Variants in RFX3 observed in about 807,000 individuals in gnomAD.
RFX3 encodes regulatory factor X3.
In RFX3, 14 loss-of-function variants were observed where a neutral mutation model predicts 98.6. That is an observed-to-expected ratio of 0.14 (90% confidence interval 0.09 to 0.22). The LOEUF is 0.22. RFX3 is among the 10% of genes least tolerant of loss of function. RFX3 has a pLI of 1.00. For missense variants in RFX3, 639 were observed against 926.9 expected (o/e 0.69, Z 4.03); for synonymous variants, 383 against 328.4 (o/e 1.17, Z -1.80).
chr9:3,369,633 A>G (rs1837581204), intron 2 of RFX3, among the ~76,000 whole-genome samples: 1 of 152,240 alleles, frequency 6.6e-6, no homozygotes, highest in South Asian at 2.1e-4. Flanking sequence ...GCTTCTGAAG[A>G]TGTAAGAAAG....
intron 2 of RFX3, among the ~76,000 whole-genome samples, chr9:3,383,183 T>G (rs1839371603): frequency 6.6e-6 from 1 of 152,122 alleles, no homozygotes; most frequent in Non-Finnish European, 1.5e-5. Context: ...GGTTCTATAT[T>G]TATTGATGTT....
chr9:3,470,617 C>T (rs940413690), intron 1 of RFX3, among the ~76,000 whole-genome samples: 6 of 152,242 alleles, frequency 3.9e-5, no homozygotes, highest in South Asian at 2.1e-4. Context: ...AGTGAGCCAC[C>T]GCACCGGGCC....
chr9:3,385,177 CA>C (rs1564023018), intron 2 of RFX3, among the ~76,000 whole-genome samples: 1 of 152,092 alleles, frequency 6.6e-6, no homozygotes, highest in African/African-American at 2.4e-5. Context: ...GCAAACTGTT[CA>C]AATTATATGT....
intron 2 of RFX3, among the ~76,000 whole-genome samples, chr9:3,370,258 T>G (rs981802024): frequency 6.6e-6 from 1 of 151,148 alleles, no homozygotes; most frequent in Non-Finnish European, 1.5e-5. Flanking sequence ...ATATATAGGG[T>G]TCAATTCAAT....
intron 1 of RFX3, among the ~76,000 whole-genome samples, chr9:3,459,792 T>C (rs963793113): frequency 6.6e-6 from 1 of 152,050 alleles, no homozygotes; most frequent in Non-Finnish European, 1.5e-5. Context: ...TCCATTTTAC[T>C]CAGAATAAGT....
At chr9:3,481,907 T>G (rs964434089) in intron 1 of RFX3, among the ~76,000 whole-genome samples, 3 of 151,986 alleles carry the variant, frequency 2.0e-5, no homozygotes, top group African/African-American at 7.2e-5. Flanking sequence ...AGTGTCAGAG[T>G]AAACAAAGAA....
At chr9:3,299,663 G>T (rs544033499) in intron 5 of RFX3, among the ~76,000 whole-genome samples, 41 of 151,564 alleles carry the variant, frequency 2.7e-4, no homozygotes, top group Non-Finnish European at 5.5e-4. Flanking sequence ...AAGCCATGAA[G>T]TAATAAATAT....
intron 5 of RFX3, among the ~76,000 whole-genome samples, chr9:3,301,064 CACCTTA>C (rs1828595786): frequency 6.6e-6 from 1 of 151,760 alleles, no homozygotes; most frequent in African/African-American, 2.4e-5. Context: ...GTTTACTGCC[CACCTTA>C]CATAGTCTTA....
chr9:3,491,961 A>G (rs1013004285), intron 1 of RFX3, among the ~76,000 whole-genome samples: 15 of 152,196 alleles, frequency 9.9e-5, no homozygotes, highest in African/African-American at 3.6e-4. Context: ...CCTACAATCC[A>G]AAGTGCTACA....
chr9:3,492,922 C>G (rs1338861699), intron 1 of RFX3, among the ~76,000 whole-genome samples: 1 of 152,114 alleles, frequency 6.6e-6, no homozygotes, highest in Non-Finnish European at 1.5e-5. Flanking sequence ...CATTTGTATT[C>G]TTGCTCTTAT....
Position 3,408,593 on chromosome 9 carries a change from G to GTCTC in RFX3, c.-8-13001_-8-12998dup, listed in dbSNP as rs746689896. ...TGCTGTAAGAGTTATCTCTGTCTCT[G>GTCTC]TCTCTCTCTCTCTCTCTCTCACACA... On this transcript the variant is annotated intron_variant, in intron 1 of 16. Transcript: ENST00000617270. Among the ~76,000 whole-genome samples, 12 of 148,020 alleles carry GTCTC rather than the reference G, an allele frequency of 8.1e-5. No individual in the cohort carries two copies. In the East Asian group the frequency reaches 1.2e-3, roughly 15 times the overall value.
At chr9:3,465,351 C>G (rs927959719) in intron 1 of RFX3, among the ~76,000 whole-genome samples, 1 of 151,972 alleles carries the variant, frequency 6.6e-6, no homozygotes, top group African/African-American at 2.4e-5. Context: ...AATGCAGTAG[C>G]ATGATCTCAG....
intron 1 of RFX3, among the ~76,000 whole-genome samples, chr9:3,483,823 T>C (rs183944425): frequency 6.6e-6 from 1 of 152,302 alleles, no homozygotes; most frequent in Admixed American, 6.5e-5. Flanking sequence ...CTGAGTAAAT[T>C]ACTTGATATC....
intron 8 of RFX3, 138 bp downstream of exon 8, chr9:3,277,202 T>A: frequency 1.4e-6 from 1 of 735,590 alleles, no homozygotes; most frequent in Non-Finnish European, 2.3e-6. Context: ...AGGACTGTTA[T>A]ACATATGATG....
At chr9:3,492,730 C>T (rs1443534263) in intron 1 of RFX3, among the ~76,000 whole-genome samples, 1 of 152,084 alleles carries the variant, frequency 6.6e-6, no homozygotes, top group Non-Finnish European at 1.5e-5. Context: ...AAAGGGTCAG[C>T]TCTCCCTTTG....
Position 3,293,208 on chromosome 9 carries a change from G to A in RFX3, c.600C>T (p.Pro200=). ...GGTAGTGGTTGTACAGAGTGCTTCTGGGAAGGCTCACTCCTTCTGCTGTCT... is the reference window on the plus strand; with the variant it reads ...GGTAGTGGTTGTACAGAGTGCTTCTAGGAAGGCTCACTCCTTCTGCTGTCT... ...NYETAEGVSL[P]RSTLYNHYLR... Residue 200 remains proline, a synonymous_variant, in exon 6 of 17, where the codon CCC becomes CCT. Transcript: ENST00000617270. The A allele has an allele frequency of 6.2e-7, 1 of 1,612,002 alleles. No individual in the cohort carries two copies. Among genetic ancestry groups the A allele is most frequent in the Non-Finnish European group, 8.5e-7 (1 of 1,179,072 alleles).
intron 2 of RFX3, among the ~76,000 whole-genome samples, chr9:3,393,391 CT>C (rs1245574171): frequency 2.6e-5 from 4 of 151,944 alleles, no homozygotes; most frequent in African/African-American, 9.7e-5. Context: ...AAAAAGAAAA[CT>C]TTTTTTTCAT....
intron 1 of RFX3, among the ~76,000 whole-genome samples, chr9:3,473,102 T>G (rs1193392802): frequency 6.6e-6 from 1 of 152,188 alleles, no homozygotes; most frequent in Non-Finnish European, 1.5e-5. Context: ...CTGGATCGAC[T>G]TATATATCCC....
At chr9:3,515,195 C>A (rs1044361577) in intron 1 of RFX3, among the ~76,000 whole-genome samples, 2 of 152,154 alleles carry the variant, frequency 1.3e-5, no homozygotes, top group Admixed American at 6.5e-5. Context: ...TAGATTTTCT[C>A]ACCAGTCTTT....
Sources: gnomAD v4.1 joint callset for allele counts (sites outside exome capture counted in the v4.1 genomes callset) on GRCh38, gnomAD v4.1.1 for gene constraint, MANE v1.5 for transcripts, NCBI Gene and HGNC (gene_info 2026-07-23, HGNC 2026-07-21) for gene names.